Variants in NNT observed in about 807,000 individuals in gnomAD.
NNT encodes nicotinamide nucleotide transhydrogenase.
NNT carries 50 observed loss-of-function variants against 104.8 expected under a neutral mutation model. The ratio of observed to expected loss-of-function variants is 0.48; its 90% CI spans 0.38 to 0.60. The LOEUF (loss-of-function observed/expected upper bound fraction) is 0.60. Ranked by LOEUF, NNT falls within the 20% of genes least tolerant of loss-of-function variation. The probability of loss-of-function intolerance (pLI) is 0.00; values close to 1 mark genes in which losing one functional copy is unlikely to be tolerated. For missense variants in NNT, 1,131 were observed against 1,330.7 expected, an observed-to-expected ratio of 0.85 and a Z score of 2.33; for synonymous variants, 461 against 490.4, an observed-to-expected ratio of 0.94 and a Z score of 0.79.
At chr5:43,669,327 AG>A (rs1240748576) in intron 17 of NNT, among the ~76,000 whole-genome samples, 5 of 151,964 alleles carry the variant, frequency 3.3e-5, no homozygotes, top group Non-Finnish European at 5.9e-5. Flanking sequence ...GTTGAATAGG[AG>A]TGGTGAGAGA....
chr5:43,673,231 C>T (rs960739558), intron 17 of NNT, among the ~76,000 whole-genome samples: 1 of 152,202 alleles, frequency 6.6e-6, no homozygotes, highest in Non-Finnish European at 1.5e-5. Context: ...CTTGTGCTTC[C>T]CAGGTGAGGC....
intron 17 of NNT, among the ~76,000 whole-genome samples, chr5:43,672,253 T>C (rs967199943): frequency 2.6e-5 from 4 of 152,192 alleles, no homozygotes; most frequent in African/African-American, 7.2e-5. Context: ...CTTGGAGAAG[T>C]TGGATCGTCT....
intron 19 of NNT, among the ~76,000 whole-genome samples, chr5:43,680,008 T>C (rs1174581290): frequency 1.3e-5 from 2 of 151,718 alleles, no homozygotes; most frequent in Non-Finnish European, 2.9e-5. Context: ...ATATTGTAGT[T>C]TTTTTTTACT....
At chr5:43,646,589 A>G (rs897429007) in intron 10 of NNT, among the ~76,000 whole-genome samples, 4 of 152,156 alleles carry the variant, frequency 2.6e-5, no homozygotes, top group African/African-American at 9.6e-5. Flanking sequence ...ATCTACATCA[A>G]ATGTATTGAG....
At chr5:43,677,397 CAT>C (rs1741472151) in intron 18 of NNT, among the ~76,000 whole-genome samples, 2 of 145,478 alleles carry the variant, frequency 1.4e-5, no homozygotes, top group African/African-American at 5.4e-5. Flanking sequence ...AGTTTAAAAA[CAT>C]GAGAGAGAGA....
At chr5:43,632,938 T>A (rs1244468740) in intron 7 of NNT, among the ~76,000 whole-genome samples, 2 of 152,056 alleles carry the variant, frequency 1.3e-5, no homozygotes, top group Admixed American at 6.6e-5. Context: ...GAGTATGGTG[T>A]GGGGTGAGAA....
intron 5 of NNT, among the ~76,000 whole-genome samples, chr5:43,623,404 G>A (rs1487235338): frequency 1.3e-5 from 2 of 152,144 alleles, no homozygotes; most frequent in Non-Finnish European, 2.9e-5. Flanking sequence ...TTGTTTCTGA[G>A]GAATTTTTTG....
intron 19 of NNT, among the ~76,000 whole-genome samples, chr5:43,690,882 G>C (rs145033289): frequency 6.6e-6 from 1 of 152,048 alleles, no homozygotes; most frequent in African/African-American, 2.4e-5. Context: ...CCTAGATAAG[G>C]CATTTGTTTT....
At chr5:43,646,360 A>C (rs1434832958) in intron 10 of NNT, among the ~76,000 whole-genome samples, 1 of 152,052 alleles carries the variant, frequency 6.6e-6, no homozygotes, top group African/African-American at 2.4e-5. Flanking sequence ...ATTACGGCTC[A>C]CCATAGCCTC....
chr5:43,625,636 A>G (rs1296932995), intron 6 of NNT, among the ~76,000 whole-genome samples: 5 of 152,128 alleles, frequency 3.3e-5, no homozygotes, highest in Non-Finnish European at 5.9e-5. Context: ...TCATTGCCCA[A>G]TGGTATTTAA....
At chr5:43,649,865 C>G (rs1739661168) in intron 11 of NNT, among the ~76,000 whole-genome samples, 1 of 152,174 alleles carries the variant, frequency 6.6e-6, no homozygotes, top group Admixed American at 6.5e-5. Flanking sequence ...CTCTTTGTCC[C>G]CTAGCAATGG....
chr5:43,702,082 T>C (rs1234829286), intron 20 of NNT, among the ~76,000 whole-genome samples: 1 of 152,190 alleles, frequency 6.6e-6, no homozygotes, highest in East Asian at 1.9e-4. Flanking sequence ...CTCTTGTTAG[T>C]TTCTTTTGCT....
At chr5:43,635,466 C>G (rs1216393258) in intron 7 of NNT, among the ~76,000 whole-genome samples, 1 of 152,170 alleles carries the variant, frequency 6.6e-6, no homozygotes, top group Non-Finnish European at 1.5e-5. Context: ...TGTGGCCAAA[C>G]TTAACTGTGA....
At chr5:43,675,085 A>C (rs952367418) in intron 17 of NNT, among the ~76,000 whole-genome samples, 2 of 152,066 alleles carry the variant, frequency 1.3e-5, no homozygotes, top group African/African-American at 4.8e-5. Context: ...ATGGATCTTT[A>C]CTGTTTTGAT....
At chr5:43,647,725 G>A (rs1352395585) in intron 10 of NNT, among the ~76,000 whole-genome samples, 2 of 152,164 alleles carry the variant, frequency 1.3e-5, no homozygotes, top group African/African-American at 2.4e-5. Context: ...ACCTTCAGGT[G>A]TATGATGTAA....
At chr5:43,611,938 A>G (rs1008337837) in intron 2 of NNT, among the ~76,000 whole-genome samples, 1 of 152,212 alleles carries the variant, frequency 6.6e-6, no homozygotes, top group African/African-American at 2.4e-5. Context: ...GTTGCAAGGA[A>G]CAGAATCACA....
intron 20 of NNT, among the ~76,000 whole-genome samples, chr5:43,701,930 A>T (rs970970445): frequency 6.6e-6 from 1 of 151,932 alleles, no homozygotes; most frequent in African/African-American, 2.4e-5. Flanking sequence ...ATTTTTTAAA[A>T]TTTTTTTAAA....
chr5:43,625,692 C>G (rs1247060463), intron 6 of NNT, among the ~76,000 whole-genome samples: 1 of 152,028 alleles, frequency 6.6e-6, no homozygotes, highest in Non-Finnish European at 1.5e-5. Context: ...AGGAGATACC[C>G]CTCTTAGCAA....
At chr5:43,701,555 G>A (rs1195551322) in intron 20 of NNT, among the ~76,000 whole-genome samples, 1 of 152,108 alleles carries the variant, frequency 6.6e-6, no homozygotes, top group Non-Finnish European at 1.5e-5. Context: ...GCTAGTGAAT[G>A]TGTCTTTGGT....
Sources: allele counts gnomAD v4.1 joint callset (sites outside exome capture counted in the v4.1 genomes callset), GRCh38; gene constraint gnomAD v4.1.1; transcripts MANE v1.5; gene names NCBI Gene and HGNC (gene_info 2026-07-23, HGNC 2026-07-21).